Variants in GALNT17 observed in about 807,000 individuals in gnomAD.
The protein encoded by GALNT17 is UDP-GalNAc:polypeptide N-acetylgalactosaminyltransferase-like 3.
GALNT17 carries 29 observed loss-of-function variants against 63.7 expected under a neutral mutation model. The ratio of observed to expected loss-of-function variants is 0.46; its 90% CI spans 0.34 to 0.62. GALNT17 has a LOEUF of 0.62. Among genes scored for constraint, GALNT17 ranks in the 20% least tolerant of loss-of-function variants. GALNT17 has a pLI of 0.01. For synonymous variants in GALNT17, 305 were observed against 318.3 expected (o/e 0.96, Z 0.45); for missense variants, 603 against 799.6 (o/e 0.75, Z 2.97).
intron 1 of GALNT17, among the ~76,000 whole-genome samples, chr7:71,170,571 G>A (rs1476224683): frequency 2.0e-5 from 3 of 152,096 alleles, no homozygotes; most frequent in African/African-American, 7.2e-5. Flanking sequence ...CCTGACCTCA[G>A]GAGATCCTCC....
intron 2 of GALNT17, among the ~76,000 whole-genome samples, chr7:71,350,576 T>C (rs887591816): frequency 3.3e-5 from 5 of 152,170 alleles, no homozygotes; most frequent in Non-Finnish European, 7.3e-5. Context: ...ATAATGACTA[T>C]TTGCATAGCA....
chr7:71,455,348 G>A (rs1210294412), intron 5 of GALNT17, among the ~76,000 whole-genome samples: 1 of 151,990 alleles, frequency 6.6e-6, no homozygotes, highest in Non-Finnish European at 1.5e-5. Flanking sequence ...AAAGAGGTGT[G>A]TTCAACCTCC....
chr7:71,213,517 A>G (rs1474726086), intron 1 of GALNT17, among the ~76,000 whole-genome samples: 1 of 152,190 alleles, frequency 6.6e-6, no homozygotes, highest in Admixed American at 6.5e-5. Flanking sequence ...TTTTATGTTA[A>G]CTATATATCC....
At chr7:71,305,128 T>C (rs1342139758) in intron 1 of GALNT17, among the ~76,000 whole-genome samples, 1 of 152,228 alleles carries the variant, frequency 6.6e-6, no homozygotes, top group Non-Finnish European at 1.5e-5. Flanking sequence ...ATTACAGATA[T>C]AGTTATGGAT....
chr7:71,146,611 C>T (rs1031254202), intron 1 of GALNT17, among the ~76,000 whole-genome samples: 9 of 152,104 alleles, frequency 5.9e-5, no homozygotes, highest in African/African-American at 2.2e-4. Context: ...CTCCCTCCCT[C>T]GCCGCCATCC....
rs36194513 is a variant in GALNT17 at position 71,592,544 on chromosome 7, A to AGCATAGC, written c.1080+21142_1080+21143insGCATAGC. Among the ~76,000 whole-genome samples the AGCATAGC allele has an allele frequency of 4.3e-5, 5 of 115,366 alleles. No individual in the cohort carries two copies. The South Asian group carries it at 1.3e-3, about 29-fold the overall frequency. 75.7% of individuals were successfully genotyped at this position (115,366 alleles called of 152,430 possible). Reference sequence around the variant, plus strand: ...AATAAAATAAAATAAAATAAAATAAAATAGCATAGCATAGCATACTAAAAT... The same window carrying AGCATAGC: ...AATAAAATAAAATAAAATAAAATAAAGCATAGCATAGCATAGCATAGCATACTAAAAT... On this transcript the variant is annotated intron_variant, in intron 6 of 10. Coordinates refer to ENST00000333538, the MANE Select transcript of GALNT17 (RefSeq NM_022479.3).
chr7:71,577,527 G>A (rs899770096), intron 6 of GALNT17, among the ~76,000 whole-genome samples: 11 of 131,438 alleles, frequency 8.4e-5, no homozygotes, highest in African/African-American at 2.3e-4. Flanking sequence ...CCTTCTTGCC[G>A]ATTCCAGCCC....
intron 7 of GALNT17, among the ~76,000 whole-genome samples, chr7:71,665,994 T>C (rs1288196079): frequency 1.3e-5 from 2 of 152,156 alleles, no homozygotes; most frequent in Non-Finnish European, 2.9e-5. Flanking sequence ...CTTTACTCTA[T>C]GCCAAATCCC....
intron 1 of GALNT17, among the ~76,000 whole-genome samples, chr7:71,263,785 G>T (rs754348305): frequency 6.6e-6 from 1 of 152,034 alleles, no homozygotes; most frequent in Admixed American, 6.5e-5. Flanking sequence ...GTTAGCCGGC[G>T]TGGTGGCAGG....
rs1314372528 is a variant in GALNT17, at chr7:71,710,272, A to G, written c.1501-489A>G. Among the ~76,000 whole-genome samples, 3 of 152,244 alleles carry G rather than the reference A, an allele frequency of 2.0e-5. No individual in the cohort carries two copies. In the East Asian group the frequency reaches 5.8e-4, roughly 30 times the overall value. On this transcript the variant is annotated intron_variant, in intron 9 of 10. Transcript: ENST00000333538. ...TGCCTGTAATCCCAGCACTTTGAGA[A>G]GCCGAGGTGGGCAGATCACGAGGTC...
At chr7:71,251,562 A>G (rs1017651531) in intron 1 of GALNT17, among the ~76,000 whole-genome samples, 1 of 152,066 alleles carries the variant, frequency 6.6e-6, no homozygotes, top group Admixed American at 6.6e-5. Context: ...GGTGTGCACC[A>G]CTGCACCTAG....
chr7:71,325,636 C>A (rs570055647), intron 1 of GALNT17, among the ~76,000 whole-genome samples: 1 of 152,152 alleles, frequency 6.6e-6, no homozygotes, highest in East Asian at 1.9e-4. Context: ...AATTTACAAC[C>A]TTGACTCTTT....
intron 9 of GALNT17, among the ~76,000 whole-genome samples, chr7:71,693,311 T>TAG (rs1791489954): frequency 7.1e-6 from 1 of 141,210 alleles, no homozygotes. Flanking sequence ...CACACACACA[T>TAG]ATATATATAT....
rs112246823 is a variant in GALNT17, at chr7:71,624,779, T to C, written c.1081-40632T>C. On this transcript the variant is annotated intron_variant, in intron 6 of 10. Transcript: ENST00000333538. ...ATAAATCACACAATTTTGTGAGAAA[T>C]AACTGTATTTTCCAAAACAAAAACA... Among the ~76,000 whole-genome samples, 769 of 152,314 alleles carry C rather than the reference T, an allele frequency of 5.0e-3. 6 individuals carry two copies. Among genetic ancestry groups the C allele is most frequent in the African/African-American group, 0.017 (714 of 41,574 alleles).
At chr7:71,346,419 G>A (rs1245641016) in intron 2 of GALNT17, among the ~76,000 whole-genome samples, 2 of 151,854 alleles carry the variant, frequency 1.3e-5, no homozygotes, top group Admixed American at 6.6e-5. Flanking sequence ...TTATGTTTTT[G>A]TCGCTGTATG....
rs368407917 is a variant in GALNT17 at position 71,451,072 on chromosome 7, C to G, written c.962+29967C>G. 5.3e-5 allele frequency among the ~76,000 whole-genome samples: 8 copies of G among 152,070 alleles called. No individual in the cohort carries two copies. The East Asian group carries it at 9.7e-4, about 18-fold the overall frequency. On this transcript the variant is annotated intron_variant, in intron 5 of 10. Transcript: ENST00000333538. The stretch of plus-strand genomic sequence containing the variant: ...ATTAGGTATATCTCCTAATGCTATC[C>G]CTCCCCACTCCCTCCACCCCACAGC...
intron 9 of GALNT17, among the ~76,000 whole-genome samples, chr7:71,678,360 A>C (rs1360202233): frequency 6.6e-6 from 1 of 151,200 alleles, no homozygotes; most frequent in African/African-American, 2.4e-5. Flanking sequence ...TCCTGACATC[A>C]AGTGATCCAC....
chr7:71,236,577 A>G (rs552944469), intron 1 of GALNT17, among the ~76,000 whole-genome samples: 2 of 152,194 alleles, frequency 1.3e-5, no homozygotes, highest in East Asian at 3.9e-4. Flanking sequence ...TTTGCCTTAG[A>G]CTTGCTGTCA....
chr7:71,175,603 T>C (rs1310783244), intron 1 of GALNT17, among the ~76,000 whole-genome samples: 1 of 152,114 alleles, frequency 6.6e-6, no homozygotes, highest in African/African-American at 2.4e-5. Flanking sequence ...TCTCTTGAAA[T>C]TGTTGGGATG....
Sources: allele counts gnomAD v4.1 joint callset (sites outside exome capture counted in the v4.1 genomes callset), GRCh38; gene constraint gnomAD v4.1.1; transcripts MANE v1.5; gene names NCBI Gene and HGNC (gene_info 2026-07-23, HGNC 2026-07-21).